GRIA4: variants seen among roughly 807,000 people sequenced by gnomAD.
GRIA4 encodes the protein glutamate receptor 4.
GRIA4 carries 34 observed loss-of-function variants against 104.0 expected under a neutral mutation model. The ratio of observed to expected loss-of-function variants is 0.33; its 90% CI spans 0.25 to 0.44. The LOEUF is 0.44. Ranked by LOEUF, GRIA4 falls within the 20% of genes least tolerant of loss-of-function variation. The pLI, the probability that GRIA4 is intolerant of heterozygous loss-of-function variation, is 1.00. For missense variants in GRIA4, 750 were observed against 1,096.5 expected, an observed-to-expected ratio of 0.68 and a Z score of 4.46; for synonymous variants, 386 against 381.9, an observed-to-expected ratio of 1.01 and a Z score of -0.13.
chr11:105,650,033 G>A (rs1028656010), intron 3 of GRIA4, among the ~76,000 whole-genome samples: 2 of 152,092 alleles, frequency 1.3e-5, no homozygotes, highest in Non-Finnish European at 2.9e-5. Context: ...ACCAACATGT[G>A]TATAATATAA....
chr11:105,755,772 A>T (rs1940273107), intron 4 of GRIA4, among the ~76,000 whole-genome samples: 1 of 152,186 alleles, frequency 6.6e-6, no homozygotes, highest in Non-Finnish European at 1.5e-5. Flanking sequence ...TAGAACAAAA[A>T]TTTGGTGGAA....
At chr11:105,612,253 G>A (rs1052151574) in intron 2 of GRIA4, 23 bp from the exon 3 acceptor site, 1 of 1,611,724 alleles carries the variant, frequency 6.2e-7, no homozygotes, top group African/African-American at 1.3e-5. Context: ...CAGTGAATGT[G>A]CTTTTCCTGC....
intron 4 of GRIA4, among the ~76,000 whole-genome samples, chr11:105,779,576 T>C (rs902689825): frequency 1.4e-4 from 22 of 152,046 alleles, no homozygotes; most frequent in Admixed American, 3.3e-4. Flanking sequence ...ATGGCACATG[T>C]ATACATATGT....
intron 14 of GRIA4, among the ~76,000 whole-genome samples, chr11:105,969,181 ATGCTATACT>A (rs1363508183): frequency 1.3e-5 from 2 of 152,202 alleles, no homozygotes; most frequent in Non-Finnish European, 2.9e-5. Context: ...ACTTTGATAG[ATGCTATACT>A]TACAAATAAG....
At chr11:105,883,782 G>A (rs945808075) in intron 5 of GRIA4, among the ~76,000 whole-genome samples, 3 of 152,100 alleles carry the variant, frequency 2.0e-5, no homozygotes, top group Non-Finnish European at 2.9e-5. Context: ...AATCCTTTGG[G>A]TATATACCCC....
chr11:105,647,535 A>G (rs771255634), intron 3 of GRIA4, among the ~76,000 whole-genome samples: 1 of 152,208 alleles, frequency 6.6e-6, no homozygotes, highest in Non-Finnish European at 1.5e-5. Flanking sequence ...AAGACCTGGA[A>G]TCAACCTAAA....
chr11:105,864,373 G>A lies in GRIA4; in HGVS notation c.672+2165G>A, dbSNP rs143884888. The stretch of plus-strand genomic sequence containing the variant: ...TGTACGTGTATCTTAAGACCCCTGT[G>A]TTTCAACATCCTTTTTCATAAATTA... On this transcript the variant is annotated intron_variant, in intron 5 of 16. Transcript: ENST00000282499. Among the ~76,000 whole-genome samples, 481 of 152,258 alleles carry A rather than the reference G, an allele frequency of 3.2e-3. 3 individuals carry two copies. The highest frequency in any genetic ancestry group is 4.6e-3 in the Non-Finnish European group (312 of 68,026).
At chr11:105,906,452 G>A (rs1015629774) in intron 9 of GRIA4, among the ~76,000 whole-genome samples, 1 of 152,104 alleles carries the variant, frequency 6.6e-6, no homozygotes. Context: ...AATGGAAGGG[G>A]CAACAACCGA....
At chr11:105,886,111 G>A (rs1165737219) in intron 5 of GRIA4, among the ~76,000 whole-genome samples, 1 of 152,078 alleles carries the variant, frequency 6.6e-6, no homozygotes, top group Non-Finnish European at 1.5e-5. Flanking sequence ...CATAAGATCA[G>A]CAGAAATTTT....
At chr11:105,758,483 C>T (rs1940439688) in intron 4 of GRIA4, among the ~76,000 whole-genome samples, 1 of 152,058 alleles carries the variant, frequency 6.6e-6, no homozygotes, top group Non-Finnish European at 1.5e-5. Flanking sequence ...AATAAATTTG[C>T]AAATGAATTA....
At chr11:105,827,548 T>C (rs990144652) in intron 4 of GRIA4, among the ~76,000 whole-genome samples, 10 of 151,964 alleles carry the variant, frequency 6.6e-5, no homozygotes, top group African/African-American at 2.4e-4. Context: ...AGTCAGAGGA[T>C]GATAGAAAAG....
chr11:105,877,743 G>A (rs1276762993), intron 5 of GRIA4, among the ~76,000 whole-genome samples: 12 of 152,180 alleles, frequency 7.9e-5, no homozygotes. Context: ...CTCATGCTGT[G>A]TTTTTCAGCT....
At chr11:105,920,642 G>A (rs1947533175) in intron 11 of GRIA4, among the ~76,000 whole-genome samples, 1 of 152,164 alleles carries the variant, frequency 6.6e-6, no homozygotes, top group African/African-American at 2.4e-5. Flanking sequence ...GAAGGGAGTA[G>A]CATAATTAGT....
chr11:105,874,029 C>G (rs774147413), intron 5 of GRIA4, among the ~76,000 whole-genome samples: 34 of 152,080 alleles, frequency 2.2e-4, no homozygotes, highest in Non-Finnish European at 4.0e-4. Flanking sequence ...AGGTCTTCTT[C>G]TAGGGTTTTC....
At position 105,807,525 on chromosome 11, in the gene GRIA4, A is replaced by G. The variant is rs530588610; in HGVS notation, c.487+54305A>G. ...TGAGGAATAAAAATTGAGGTTACAG[A>G]GGAAAAATCTTTTTCTTTCTATGCC... On this transcript the variant is annotated intron_variant, in intron 4 of 16. Transcript: ENST00000282499. Among the ~76,000 whole-genome samples, 43 of 152,040 alleles carry G rather than the reference A, an allele frequency of 2.8e-4. No individual in the cohort carries two copies. In the South Asian group the frequency reaches 8.5e-3, roughly 30 times the overall value.
chr11:105,761,890 T>C (rs1053070567), intron 4 of GRIA4, among the ~76,000 whole-genome samples: 7 of 152,226 alleles, frequency 4.6e-5, no homozygotes, highest in African/African-American at 1.7e-4. Context: ...TGTGTGATTA[T>C]TTAAAAGGTT....
chr11:105,869,207 A>G (rs916122046), intron 5 of GRIA4, among the ~76,000 whole-genome samples: 2 of 152,170 alleles, frequency 1.3e-5, no homozygotes, highest in African/African-American at 4.8e-5. Context: ...AGGAAGAAGA[A>G]AAATATGATT....
chr11:105,707,802 C>CTT (rs1227451857), intron 3 of GRIA4: 1 of 152,124 alleles, frequency 6.6e-6, no homozygotes, highest in Non-Finnish European at 1.5e-5. Context: ...TGTAAGACTG[C>CTT]TTTATCATGT....
intron 3 of GRIA4, among the ~76,000 whole-genome samples, chr11:105,711,938 G>A (rs1439351829): frequency 6.6e-6 from 1 of 152,028 alleles, no homozygotes; most frequent in East Asian, 1.9e-4. Context: ...TACTTTGTGA[G>A]AATTAAATGT....
Sources: gnomAD v4.1 joint callset for allele counts (sites outside exome capture counted in the v4.1 genomes callset) on GRCh38, gnomAD v4.1.1 for gene constraint, MANE v1.5 for transcripts, NCBI Gene and HGNC (gene_info 2026-07-23, HGNC 2026-07-21) for gene names.